ANGPT1: variants seen among roughly 807,000 people sequenced by gnomAD.
ANGPT1 encodes the protein angiopoietin 1, also known as angiopoietin-1.
A neutral mutation model predicts 62.2 loss-of-function variants in ANGPT1; 17 were observed. That is an observed-to-expected ratio of 0.27 (90% CI 0.19 to 0.41). ANGPT1 has a LOEUF of 0.41. Ranked by LOEUF, ANGPT1 falls within the 10% of genes least tolerant of loss-of-function variation. The probability of loss-of-function intolerance (pLI) is 1.00; values close to 1 mark genes in which losing one functional copy is unlikely to be tolerated. For missense variants in ANGPT1, 478 were observed against 594.9 expected, an observed-to-expected ratio of 0.80 and a Z score of 2.04; for synonymous variants, 199 against 198.9, an observed-to-expected ratio of 1.00 and a Z score of 0.00.
At chr8:107,401,117 T>A (rs1384619547) in intron 1 of ANGPT1, among the ~76,000 whole-genome samples, 1 of 152,152 alleles carries the variant, frequency 6.6e-6, no homozygotes, top group Non-Finnish European at 1.5e-5. Context: ...GCGTTTTGAG[T>A]CCATAGACTT....
intron 2 of ANGPT1, 106 bp from the exon 3 acceptor site, chr8:107,336,377 G>T: frequency 1.4e-6 from 2 of 1,434,594 alleles, no homozygotes; most frequent in Admixed American, 2.9e-5. Context: ...TTTAACAAAT[G>T]GTTTACCGCC....
At chr8:107,437,054 G>A (rs1355821120) in intron 1 of ANGPT1, among the ~76,000 whole-genome samples, 1 of 152,128 alleles carries the variant, frequency 6.6e-6, no homozygotes, top group Non-Finnish European at 1.5e-5. Context: ...TTCACACCAG[G>A]AACTGCTGGT....
chr8:107,428,876 C>T (rs575565805), intron 1 of ANGPT1, among the ~76,000 whole-genome samples: 33 of 152,294 alleles, frequency 2.2e-4, no homozygotes, highest in African/African-American at 7.7e-4. Flanking sequence ...ATTGTCTTCT[C>T]TTAAACCCTC....
intron 1 of ANGPT1, among the ~76,000 whole-genome samples, chr8:107,476,071 T>C (rs1314938104): frequency 6.6e-6 from 1 of 152,106 alleles, no homozygotes; most frequent in East Asian, 1.9e-4. Context: ...TTGACCCAGC[T>C]ATCCCATTAC....
chr8:107,382,652 A>G (rs2130279159), intron 1 of ANGPT1, among the ~76,000 whole-genome samples: 1 of 152,250 alleles, frequency 6.6e-6, no homozygotes, highest in South Asian at 2.1e-4. Context: ...GGAAAAAAAA[A>G]TGTGCATAAT....
chr8:107,435,754 C>T (rs1811316388), intron 1 of ANGPT1, among the ~76,000 whole-genome samples: 1 of 152,140 alleles, frequency 6.6e-6, no homozygotes, highest in African/African-American at 2.4e-5. Flanking sequence ...ATTCATTGCC[C>T]ACCATGTGCC....
At position 107,422,691 on chromosome 8, in the gene ANGPT1, G is replaced by A. The variant is rs1238383908; in HGVS notation, c.297+74571C>T. Among the ~76,000 whole-genome samples the A allele has an allele frequency of 3.9e-5, 6 of 152,130 alleles. 1 individual carries two copies. The highest frequency in any genetic ancestry group is 3.9e-4 in the Admixed American group (6 of 15,272). ...ATTATCACACCAACAACACAAAAAG[G>A]CCTGAACTAATTTTACATCTAGAGT... is the stretch of plus-strand genomic sequence containing the variant. On this transcript the variant is annotated intron_variant, in intron 1 of 8. Transcript: ENST00000517746.
At chr8:107,381,537 G>A (rs918924708) in intron 1 of ANGPT1, among the ~76,000 whole-genome samples, 3 of 152,114 alleles carry the variant, frequency 2.0e-5, no homozygotes, top group Non-Finnish European at 2.9e-5. Flanking sequence ...GCAGTGTGAG[G>A]GCAGCCCTGA....
chr8:107,297,611 AAAT>A (rs1178802831), intron 5 of ANGPT1, among the ~76,000 whole-genome samples: 1 of 149,324 alleles, frequency 6.7e-6, no homozygotes, highest in Non-Finnish European at 1.5e-5. Context: ...AATTTATTAT[AAAT>A]AATAGAAAAT....
intron 1 of ANGPT1, among the ~76,000 whole-genome samples, chr8:107,420,467 C>T (rs994791008): frequency 1.1e-4 from 16 of 152,112 alleles, no homozygotes; most frequent in African/African-American, 2.9e-4. Context: ...TTGTGTGTAT[C>T]GAAGGCAAAC....
At chr8:107,414,164 G>A (rs1044472881) in intron 1 of ANGPT1, among the ~76,000 whole-genome samples, 3 of 152,234 alleles carry the variant, frequency 2.0e-5, no homozygotes, top group African/African-American at 7.2e-5. Context: ...GAATGCTCAA[G>A]GATAGCAGTT....
At chr8:107,456,619 G>A (rs776187791) in intron 1 of ANGPT1, among the ~76,000 whole-genome samples, 37 of 152,042 alleles carry the variant, frequency 2.4e-4, no homozygotes, top group African/African-American at 4.1e-4. Context: ...AAGGTGAAAC[G>A]TACAACAAAA....
intron 1 of ANGPT1, among the ~76,000 whole-genome samples, chr8:107,462,650 A>T (rs1389232437): frequency 6.6e-6 from 1 of 152,040 alleles, no homozygotes; most frequent in East Asian, 1.9e-4. Flanking sequence ...TCAATCACAA[A>T]CCAGCACCCA....
At chr8:107,377,743 T>C (rs139486795) in intron 1 of ANGPT1, among the ~76,000 whole-genome samples, 1 of 152,022 alleles carries the variant, frequency 6.6e-6, no homozygotes, top group Non-Finnish European at 1.5e-5. Context: ...GTAGATAAAA[T>C]TTGAACCTGA....
intron 2 of ANGPT1, among the ~76,000 whole-genome samples, chr8:107,336,800 C>T (rs1455812242): frequency 6.6e-6 from 1 of 150,598 alleles, no homozygotes; most frequent in Admixed American, 6.6e-5. Context: ...TTTAGGACTT[C>T]TGTGTCCTAA....
chr8:107,425,549 C>T (rs1222418343), intron 1 of ANGPT1, among the ~76,000 whole-genome samples: 2 of 152,206 alleles, frequency 1.3e-5, no homozygotes, highest in Non-Finnish European at 2.9e-5. Context: ...CATCACACTG[C>T]TCCTCTACAT....
rs1563591170 is a variant in ANGPT1, at chr8:107,370,400, GAAAGAAA to G, written c.298-23310_298-23304del. Among the ~76,000 whole-genome samples the G allele has an allele frequency of 1.9e-4, 10 of 53,544 alleles. 2 individuals carry two copies. The highest frequency in any genetic ancestry group is 4.3e-4 in the African/African-American group (10 of 23,216). 35.1% of individuals were successfully genotyped at this position (53,544 alleles called of 152,430 possible). A position where few individuals can be genotyped will look rare whatever the true frequency, so the allele number is the denominator to read the frequency against. ...AGAAAGAAAGAAAGAAAGAAAGAAA[GAAAGAAA>G]GAGTCAGGGTCAGTGGCTCAGGCCT... On this transcript the variant is annotated intron_variant, in intron 1 of 8. Coordinates refer to ENST00000517746, the MANE Select transcript of ANGPT1 (RefSeq NM_001146.5).
intron 8 of ANGPT1, among the ~76,000 whole-genome samples, chr8:107,257,876 G>GTTTTTTTTTTTTTTTTTTTTTTTTT (rs1371396961): frequency 2.0e-4 from 17 of 85,288 alleles, no homozygotes; most frequent in East Asian, 1.0e-3. Context: ...ACTTGTTTTT[G>GTTTTTTTTTTTTTTTTTTTTTTTTT]TTTCTTTTTT....
chr8:107,268,763 A>T (rs1813672661), intron 7 of ANGPT1, among the ~76,000 whole-genome samples: 1 of 152,118 alleles, frequency 6.6e-6, no homozygotes, highest in African/African-American at 2.4e-5. Context: ...TCCTGCCCAG[A>T]TTAAGCATTA....
Sources: allele counts gnomAD v4.1 joint callset (sites outside exome capture counted in the v4.1 genomes callset), GRCh38; gene constraint gnomAD v4.1.1; transcripts MANE v1.5; gene names NCBI Gene and HGNC (gene_info 2026-07-23, HGNC 2026-07-21).